The following HERC2 variants were observed in gnomAD, a reference collection of about 807,000 sequenced individuals.
HERC2 encodes the protein E3 ubiquitin-protein ligase HERC2.
HERC2 carries 102 observed loss-of-function variants against 537.7 expected under a neutral mutation model. That is an observed-to-expected ratio of 0.19 (90% CI 0.16 to 0.22). The LOEUF (loss-of-function observed/expected upper bound fraction) is 0.22. HERC2 is among the 10% of genes least tolerant of loss of function. HERC2 has a pLI of 1.00. For synonymous variants in HERC2, 2,224 were observed against 2,466.2 expected (o/e 0.90, Z 2.91); for missense variants, 4,236 against 6,198.2 (o/e 0.68, Z 10.63).
chr15:28,292,136 G>A (rs551176253), intron 4 of HERC2, among the ~76,000 whole-genome samples: 12 of 146,624 alleles, frequency 8.2e-5, no homozygotes, highest in Admixed American at 4.3e-4. Flanking sequence ...GGATGAGGCA[G>A]GAGAATCACT....
In HERC2 at chr15:28,265,736, A is replaced by G. The variant is rs369722172; in HGVS notation, c.1757-5T>C. On this transcript the variant is annotated splice_polypyrimidine_tract_variant and splice_region_variant and intron_variant, in intron 13 of 92. Coordinates refer to ENST00000261609, the MANE Select transcript of HERC2 (RefSeq NM_004667.6). This position sits in a 1 kb window ranked among gnomAD's most constrained non-coding sequence, Gnocchi z 4.0. ...TGGCCTCGTCCTCACTGGAGCCTTC[A>G]AACAGATAGGACGGCGGTTACTAAG... The G allele has an allele frequency of 1.9e-6, 3 of 1,613,964 alleles. No homozygotes were observed. The highest frequency in any genetic ancestry group is 2.7e-5 in the African/African-American group (2 of 74,922).
intron 56 of HERC2, 151 bp downstream of exon 56, chr15:28,186,426 C>T (rs1896314536): frequency 1.8e-6 from 1 of 549,556 alleles, no homozygotes; most frequent in East Asian, 2.9e-5. Context: ...TTAAAAAATA[C>T]AATTTTTGGA....
chr15:28,176,599 C>A lies in HERC2; in HGVS notation c.9515G>T (p.Gly3172Val). ...ACCATCACCCCAGGAAAATACCAAA[C>A]CTAGGTTTAAGAAACACATATACTT... ...DAQTLALTDE[G>V]LVFSWGDGDF... Residue 3172 changes from glycine to valine, a missense_variant and splice_region_variant, in exon 63 of 93, where the codon GGT becomes GTT. Around this residue, in one of 27 missense-constraint regions of HERC2, gnomAD observed 93 missense variants for 265.1 expected, o/e 0.35. Transcript: ENST00000261609. The surrounding 1 kb of genome is among the most constrained non-coding windows in gnomAD (Gnocchi z 5.0). 1 of 1,614,152 alleles carries A rather than the reference C, an allele frequency of 6.2e-7. No homozygotes were observed. The highest frequency in any genetic ancestry group is 8.5e-7 in the Non-Finnish European group (1 of 1,180,018).
intron 16 of HERC2, among the ~76,000 whole-genome samples, chr15:28,258,091 T>C (rs1385365558): frequency 6.6e-6 from 1 of 152,232 alleles, no homozygotes; most frequent in African/African-American, 2.4e-5. Flanking sequence ...ATATACAGTT[T>C]GTTCTCCAAT....
chr15:28,301,058 A>C (rs937099961), intron 2 of HERC2, among the ~76,000 whole-genome samples: 6 of 152,032 alleles, frequency 3.9e-5, no homozygotes, highest in African/African-American at 1.4e-4. Flanking sequence ...CTCTAGGGAA[A>C]ATAAGTAGAT....
intron 18 of HERC2, 27 bp from the exon 19 acceptor site, chr15:28,256,023 G>C (rs375617077): frequency 6.2e-6 from 10 of 1,604,984 alleles, no homozygotes; most frequent in African/African-American, 4.0e-5. Context: ...GTGCCAATTT[G>C]AGTGAAACGC....
intron 65 of HERC2, among the ~76,000 whole-genome samples, chr15:28,172,706 G>T (rs971688905): frequency 6.6e-6 from 1 of 152,116 alleles, no homozygotes; most frequent in African/African-American, 2.4e-5. Flanking sequence ...TGAGGCAAAG[G>T]TTTTGTAGAC....
intron 4 of HERC2, among the ~76,000 whole-genome samples, chr15:28,286,264 A>G (rs1241227776): frequency 1.3e-5 from 2 of 152,114 alleles, no homozygotes; most frequent in Non-Finnish European, 2.9e-5. Flanking sequence ...AGCTAATATT[A>G]GAAGCTAATA....
chr15:28,296,691 A>T (rs1305707332), intron 3 of HERC2, among the ~76,000 whole-genome samples: 186 of 1,222 alleles, frequency 0.15, no homozygotes, highest in East Asian at 0.48. Context: ...CTGATACATA[A>T]AAAAAAAAAA....
At chr15:28,299,881 G>A (rs1369998863) in intron 2 of HERC2, among the ~76,000 whole-genome samples, 3 of 151,438 alleles carry the variant, frequency 2.0e-5, no homozygotes, top group East Asian at 1.9e-4. Context: ...GTGAAACCCC[G>A]TCCCAACTAA....
intron 47 of HERC2, among the ~76,000 whole-genome samples, chr15:28,201,885 G>T (rs968643465): frequency 5.9e-5 from 9 of 152,120 alleles, no homozygotes; most frequent in East Asian, 5.8e-4. Context: ...TTGAACAAGG[G>T]TCTGTTCTGA....
intron 70 of HERC2, among the ~76,000 whole-genome samples, chr15:28,147,633 T>C (rs1891898428): frequency 7.2e-6 from 1 of 139,566 alleles, no homozygotes; most frequent in Non-Finnish European, 1.5e-5. Flanking sequence ...TGACAAAGCT[T>C]TTCTGAATCT....
At chr15:28,210,203 G>A (rs1368634182) in intron 44 of HERC2, among the ~76,000 whole-genome samples, 15 of 151,768 alleles carry the variant, frequency 9.9e-5, no homozygotes, top group East Asian at 1.9e-4. Context: ...GCGCCATCTC[G>A]GCTCACTGTA....
In HERC2 at chr15:28,270,711, G is replaced by A. The variant is rs763598600; in HGVS notation, c.1241C>T (p.Ser414Phe). 1.2e-6 allele frequency: 2 copies of A among 1,613,954 alleles called. No homozygotes were observed. The highest frequency in any genetic ancestry group is 1.7e-6 in the Non-Finnish European group (2 of 1,179,864). The change falls in exon 10 of 93, where the codon TCT (serine) becomes TTT (phenylalanine). Residue 414 changes from serine to phenylalanine, a missense_variant. Physicochemically the swap from Ser to Phe is radical, Grantham distance 155. Transcript: ENST00000261609. ...CACACACACCTTATGAGATGTCGGA[G>A]AGCTACACAGCGGAGGCATACAGGG... is the stretch of plus-strand genomic sequence containing the variant. ...ATPCMPPLCSSPTSHKGSLQE... is the reference protein window; with the variant it reads ...ATPCMPPLCSFPTSHKGSLQE...
intron 2 of HERC2, among the ~76,000 whole-genome samples, chr15:28,308,048 A>C (rs1192909431): frequency 6.6e-6 from 1 of 150,858 alleles, no homozygotes; most frequent in Admixed American, 6.6e-5. Context: ...TTTGTGGTTC[A>C]ACATGAATTT....
chr15:28,118,234 T>A (rs1888495200), intron 86 of HERC2: 1 of 156,042 alleles, frequency 6.4e-6, no homozygotes, highest in Admixed American at 6.1e-5. Context: ...GAACAGGACA[T>A]GCCCTATGTC....
At chr15:28,309,166 C>T (rs57577849) in intron 2 of HERC2, among the ~76,000 whole-genome samples, 11,896 of 151,180 alleles carry the variant, frequency 0.079, 996 homozygotes, top group African/African-American at 0.28. Context: ...GAAATATCTA[C>T]TAAATCCATT....
At chr15:28,120,047 AATCGCGGGGGTTAGAC>A (rs1888706375) in intron 86 of HERC2, among the ~76,000 whole-genome samples, 1 of 152,196 alleles carries the variant, frequency 6.6e-6, no homozygotes, top group Non-Finnish European at 1.5e-5. Context: ...AGGTGCACTC[AATCGCGGGGGTTAGAC>A]AACGCAGAAG....
chr15:28,214,535 C>A (rs1940559817), intron 40 of HERC2, 120 bp downstream of exon 40: 6 of 1,342,188 alleles, frequency 4.5e-6, no homozygotes, highest in Non-Finnish European at 5.3e-6. Flanking sequence ...CCACCCACCT[C>A]TGAGTGACGG....
Sources: allele counts gnomAD v4.1 joint callset (sites outside exome capture counted in the v4.1 genomes callset), GRCh38; gene constraint gnomAD v4.1.1; regional missense constraint gnomAD v4.1.1; non-coding constraint Gnocchi (gnomAD v3.1); transcripts MANE v1.5; gene names NCBI Gene and HGNC (gene_info 2026-07-23, HGNC 2026-07-21).